CHD6: variants seen among roughly 807,000 people sequenced by gnomAD.
CHD6 encodes chromodomain helicase DNA binding protein 6.
CHD6 carries 50 observed loss-of-function variants against 276.9 expected under a neutral mutation model. The observed-to-expected ratio is 0.18, with a 90% CI of 0.14 to 0.23. The LOEUF (loss-of-function observed/expected upper bound fraction) is 0.23. Among genes scored for constraint, CHD6 ranks in the 10% least tolerant of loss-of-function variants. CHD6 has a pLI of 1.00. For synonymous variants in CHD6, 1,173 were observed against 1,229.3 expected (o/e 0.95, Z 0.96); for missense variants, 2,564 against 3,365.8 (o/e 0.76, Z 5.89).
intron 23 of CHD6, among the ~76,000 whole-genome samples, chr20:41,448,444 A>AT (rs2048135761): frequency 6.6e-6 from 1 of 152,166 alleles, no homozygotes; most frequent in Non-Finnish European, 1.5e-5. Context: ...TGCTCAATTC[A>AT]TTTTTATTCT....
chr20:41,468,848 C>A (rs765133142), intron 17 of CHD6, among the ~76,000 whole-genome samples: 6 of 151,996 alleles, frequency 3.9e-5, no homozygotes, highest in Non-Finnish European at 8.8e-5. Flanking sequence ...AACCTCTTCT[C>A]TACAAAAATT....
intron 1 of CHD6, among the ~76,000 whole-genome samples, chr20:41,570,659 C>G (rs892168242): frequency 6.6e-6 from 1 of 152,210 alleles, no homozygotes; most frequent in Non-Finnish European, 1.5e-5. Flanking sequence ...TCTCTATGTA[C>G]AAGAATACCA....
At chr20:41,498,811 ATGTGTGTG>A (rs71193638) in intron 6 of CHD6, among the ~76,000 whole-genome samples, 27 of 86,602 alleles carry the variant, frequency 3.1e-4, no homozygotes, top group East Asian at 1.0e-3. Flanking sequence ...GTATGTATGT[ATGTGTGTG>A]TGTGTGTGTG....
chr20:41,591,045 G>C (rs538644798), intron 1 of CHD6, among the ~76,000 whole-genome samples: 1 of 152,008 alleles, frequency 6.6e-6, no homozygotes, highest in South Asian at 2.1e-4. Flanking sequence ...AAAATGATGA[G>C]TTCATGTCCT....
At chr20:41,495,621 G>C (rs1000279900) in intron 8 of CHD6, among the ~76,000 whole-genome samples, 1 of 151,986 alleles carries the variant, frequency 6.6e-6, no homozygotes, top group African/African-American at 2.4e-5. Flanking sequence ...TCACCCTTAG[G>C]GGGGAAAAAA....
intron 1 of CHD6, among the ~76,000 whole-genome samples, chr20:41,574,060 G>A (rs1057196795): frequency 1.3e-5 from 2 of 151,850 alleles, no homozygotes; most frequent in African/African-American, 2.4e-5. Flanking sequence ...CCTAAATGCA[G>A]GTCGGCAATG....
chr20:41,516,360 G>C (rs1053500212), intron 3 of CHD6, among the ~76,000 whole-genome samples: 1 of 152,082 alleles, frequency 6.6e-6, no homozygotes, highest in Non-Finnish European at 1.5e-5. Context: ...TTTTAGTAGA[G>C]ATGGGGTTTC....
At chr20:41,537,793 ATGG>A (rs1191282193) in intron 2 of CHD6, among the ~76,000 whole-genome samples, 1 of 152,256 alleles carries the variant, frequency 6.6e-6, no homozygotes, top group East Asian at 1.9e-4. Context: ...GGAATATAAA[ATGG>A]TGAAGCCACT....
intron 14 of CHD6, among the ~76,000 whole-genome samples, chr20:41,487,249 T>C (rs574576699): frequency 7.3e-4 from 111 of 152,328 alleles, no homozygotes; most frequent in Non-Finnish European, 1.5e-3. Context: ...ACCTGTGTAT[T>C]GTGCTGTATG....
chr20:41,507,276 T>C (rs147594899), intron 5 of CHD6, among the ~76,000 whole-genome samples: 99 of 152,340 alleles, frequency 6.5e-4, no homozygotes, highest in African/African-American at 2.3e-3. Flanking sequence ...GAAACTTTAA[T>C]ACATGGATGA....
In CHD6 at chr20:41,421,226, G is replaced by A; in HGVS notation, c.5409C>T (p.Gly1803=). 1 of 1,613,782 alleles carries A rather than the reference G, an allele frequency of 6.2e-7. No individual in the cohort carries two copies. The highest frequency in any genetic ancestry group is 8.5e-7 in the Non-Finnish European group (1 of 1,179,924). The part of the protein sequence containing the change: ...SEAGQRPENI[G]QLEAKCLASP... ...AAGCTAAACACTTGGCTTCCAGCTGGCCAATGTTTTCAGGTCTCTGTCCTG... is the reference window on the plus strand; with the variant it reads ...AAGCTAAACACTTGGCTTCCAGCTGACCAATGTTTTCAGGTCTCTGTCCTG... Residue 1803 remains glycine, a synonymous_variant, in exon 31 of 37, where the codon GGC becomes GGT. Transcript: ENST00000373233.
intron 2 of CHD6, chr20:41,547,901 T>G (rs558125191): frequency 3.3e-6 from 1 of 302,174 alleles, no homozygotes; most frequent in African/African-American, 2.2e-5. Context: ...TCAACAGTGT[T>G]GTGGTGGAAT....
rs536257570 is a variant in CHD6, at chr20:41,591,561, C to T, written c.-24+26779G>A. On this transcript the variant is annotated intron_variant, in intron 1 of 36. Transcript: ENST00000373233. ...AAAAAAAATTAGCTGGGCATGGTAGCGTGTGCCTATAATACCAGCTATTCG... is the reference window on the plus strand; with the variant it reads ...AAAAAAAATTAGCTGGGCATGGTAGTGTGTGCCTATAATACCAGCTATTCG... Among the ~76,000 whole-genome samples, 14 of 152,048 alleles carry T rather than the reference C, an allele frequency of 9.2e-5. 3 individuals are homozygous for T. Among genetic ancestry groups the T allele is most frequent in the African/African-American group, 3.4e-4 (14 of 41,464 alleles).
At chr20:41,419,928 C>T (rs979851078) in intron 31 of CHD6, among the ~76,000 whole-genome samples, 11 of 152,168 alleles carry the variant, frequency 7.2e-5, no homozygotes, top group South Asian at 2.1e-4. Context: ...TAAGATTTCC[C>T]TATAGGATCA....
chr20:41,534,498 G>T lies in CHD6; in HGVS notation c.34-928C>A, dbSNP rs879944251. ...GCATATTCCCCCTTCTGTTTTTCCA[G>T]TTTCTTTCCCTAGTCCAATGCTCCC... On this transcript the variant is annotated intron_variant, in intron 2 of 36. Transcript: ENST00000373233. Among the ~76,000 whole-genome samples the T allele has an allele frequency of 5.3e-5, 8 of 149,602 alleles. No individual in the cohort carries two copies. In the Admixed American group the frequency reaches 5.4e-4, roughly 10 times the overall value.
rs116340373 is a variant in CHD6 at position 41,407,834 on chromosome 20, C to T, written c.7252-2345G>A. On this transcript the variant is annotated intron_variant, in intron 36 of 36. Transcript: ENST00000373233. ...GGATGAGCAGCAGAAGAGTGCGAGACGCCACGAAGGAAGCACTGATCACGT... is the reference window on the plus strand; with the variant it reads ...GGATGAGCAGCAGAAGAGTGCGAGATGCCACGAAGGAAGCACTGATCACGT... Among the ~76,000 whole-genome samples, 596 of 152,248 alleles carry T rather than the reference C, an allele frequency of 3.9e-3. 2 individuals carry two copies. The highest frequency in any genetic ancestry group is 0.014 in the African/African-American group (571 of 41,544).
At chr20:41,425,415 A>G (rs780502842) in intron 28 of CHD6, 21 bp from the exon 29 acceptor site, 3 of 1,600,738 alleles carry the variant, frequency 1.9e-6, no homozygotes, top group Non-Finnish European at 2.6e-6. Context: ...CAGTGAGGAT[A>G]TTAGTATTTA....
chr20:41,609,064 C>T (rs1019802640), intron 1 of CHD6, among the ~76,000 whole-genome samples: 2 of 152,194 alleles, frequency 1.3e-5, no homozygotes, highest in Non-Finnish European at 2.9e-5. Context: ...ACCTCCAAAC[C>T]TTTTAAGCTT....
At chr20:41,579,157 C>G (rs1413248778) in intron 1 of CHD6, among the ~76,000 whole-genome samples, 2 of 142,802 alleles carry the variant, frequency 1.4e-5, no homozygotes, top group African/African-American at 5.3e-5. Flanking sequence ...AAAAAAAGTG[C>G]CAGGTGTGGT....
Sources: allele counts gnomAD v4.1 joint callset (sites outside exome capture counted in the v4.1 genomes callset), GRCh38; gene constraint gnomAD v4.1.1; transcripts MANE v1.5; gene names NCBI Gene and HGNC (gene_info 2026-07-23, HGNC 2026-07-21).